Variants in LRBA observed in about 807,000 individuals in gnomAD.
LRBA encodes LPS responsive beige-like anchor protein.
A neutral mutation model predicts 330.0 loss-of-function variants in LRBA; 176 were observed. That is an observed-to-expected ratio of 0.53 (90% CI 0.47 to 0.60). The LOEUF (loss-of-function observed/expected upper bound fraction) is 0.60. Among genes scored for constraint, LRBA ranks in the 20% least tolerant of loss-of-function variants. LRBA has a pLI of 0.00. For synonymous variants in LRBA, 1,230 were observed against 1,193.0 expected (o/e 1.03, Z -0.64); for missense variants, 3,259 against 3,444.8 (o/e 0.95, Z 1.35).
intron 40 of LRBA, among the ~76,000 whole-genome samples, chr4:150,511,117 C>T (rs1204979114): frequency 1.3e-5 from 2 of 152,128 alleles, no homozygotes; most frequent in East Asian, 3.9e-4. Context: ...CTTGGCCTCC[C>T]AAAGTTCTGG....
chr4:150,869,412 G>C (rs1468839223), intron 20 of LRBA, among the ~76,000 whole-genome samples: 1 of 152,146 alleles, frequency 6.6e-6, no homozygotes, highest in East Asian at 1.9e-4. Context: ...AATTAGGCCA[G>C]GCACAGCGGC....
chr4:150,603,557 G>T (rs549910238), intron 37 of LRBA, among the ~76,000 whole-genome samples: 1 of 152,106 alleles, frequency 6.6e-6, no homozygotes, highest in African/African-American at 2.4e-5. Flanking sequence ...TGAGGGAACA[G>T]AACAAAGCTC....
intron 26 of LRBA, among the ~76,000 whole-genome samples, chr4:150,845,331 G>C (rs905358118): frequency 6.6e-6 from 1 of 152,064 alleles, no homozygotes; most frequent in African/African-American, 2.4e-5. Context: ...AAGCTTTATA[G>C]GGTCCAGCAT....
intron 9 of LRBA, among the ~76,000 whole-genome samples, chr4:150,911,262 T>C (rs1410850005): frequency 2.0e-5 from 3 of 152,216 alleles, no homozygotes; most frequent in Non-Finnish European, 4.4e-5. Flanking sequence ...GCTTTGTTCC[T>C]GATTTTAGAG....
At chr4:150,725,951 G>T (rs564127104) in intron 36 of LRBA, among the ~76,000 whole-genome samples, 1 of 152,276 alleles carries the variant, frequency 6.6e-6, no homozygotes, top group East Asian at 1.9e-4. Flanking sequence ...ATAAGATTGT[G>T]TTGGCAAGCC....
rs1230408033 is a variant in LRBA, at chr4:150,828,607, C to T, written c.4744G>A (p.Ala1582Thr). The T allele has an allele frequency of 5.6e-6, 9 of 1,613,202 alleles. No homozygotes were observed. The highest frequency in any genetic ancestry group is 1.7e-5 in the Admixed American group (1 of 59,940). Residue 1582 changes from alanine (A) to threonine (T), a missense_variant, in exon 30 of 57, where the codon GCA (alanine) becomes ACA (threonine). Coordinates refer to ENST00000651943, the MANE Select transcript of LRBA (RefSeq NM_001364905.1). ...NVSLSEITPA[A>T]FSTLTTASVE... ...GATGCCGTAGTTAAAGTGCTGAATG[C>T]TGCTGGTGTGATTTCTATATCATAC... is the stretch of plus-strand genomic sequence containing the variant.
chr4:150,799,108 T>C (rs1465410499), intron 33 of LRBA, among the ~76,000 whole-genome samples: 2 of 152,292 alleles, frequency 1.3e-5, no homozygotes, highest in East Asian at 1.9e-4. Flanking sequence ...AACCTAATGA[T>C]AGCGCATGTT....
In LRBA at chr4:150,597,119, A is replaced by C. The variant is rs775725675; in HGVS notation, c.6046+1888T>G. The C allele has an allele frequency of 5.1e-6, 7 of 1,376,656 alleles. No homozygotes were observed. The African/African-American group carries it at 1.0e-4, about 20-fold the overall frequency. 85.3% of individuals were successfully genotyped at this position (1,376,656 alleles called of 1,614,324 possible). A position where few individuals can be genotyped will look rare whatever the true frequency, so the allele number is the denominator to read the frequency against. On this transcript the variant is annotated intron_variant, in intron 38 of 56. Coordinates refer to ENST00000651943, the MANE Select transcript of LRBA (RefSeq NM_001364905.1). Reference sequence around the variant, plus strand: ...TCTCTCAATTTAAAAATGCACACTAAAACATAGATAATTAACATTGGATTA... The same window carrying C: ...TCTCTCAATTTAAAAATGCACACTACAACATAGATAATTAACATTGGATTA...
At chr4:150,772,339 A>T (rs1578733412) in intron 34 of LRBA, among the ~76,000 whole-genome samples, 2 of 152,262 alleles carry the variant, frequency 1.3e-5, no homozygotes, top group Non-Finnish European at 2.9e-5. Flanking sequence ...GACCATAGGT[A>T]CGGGCTGGCA....
intron 44 of LRBA, among the ~76,000 whole-genome samples, chr4:150,440,191 G>A (rs997378767): frequency 6.6e-5 from 10 of 152,158 alleles, no homozygotes; most frequent in African/African-American, 2.4e-4. Context: ...CAAAATACTG[G>A]CCATTAAAAA....
chr4:150,995,117 G>A lies in LRBA; in HGVS notation c.216+19310C>T, dbSNP rs140511899. On this transcript the variant is annotated intron_variant, in intron 2 of 56. Transcript: ENST00000651943. ...CCAGTCTCGGTGGAAGAGAAAAAACGAAGTCACCCTTCGCTCACTCCAGTT... is the reference window on the plus strand; with the variant it reads ...CCAGTCTCGGTGGAAGAGAAAAAACAAAGTCACCCTTCGCTCACTCCAGTT... Among the ~76,000 whole-genome samples the A allele has an allele frequency of 2.0e-3, 302 of 150,520 alleles. 2 individuals are homozygous for A. The highest frequency in any genetic ancestry group is 7.1e-3 in the African/African-American group (289 of 40,956).
At chr4:150,916,163 A>C (rs1336716736) in intron 7 of LRBA, among the ~76,000 whole-genome samples, 1 of 152,220 alleles carries the variant, frequency 6.6e-6, no homozygotes, top group African/African-American at 2.4e-5. Flanking sequence ...ATACTAAAAT[A>C]AATGCCGTAG....
intron 43 of LRBA, among the ~76,000 whole-genome samples, chr4:150,468,194 G>A (rs371836857): frequency 3.3e-5 from 5 of 152,028 alleles, no homozygotes; most frequent in African/African-American, 1.2e-4. Context: ...TTCAAAACAA[G>A]AATCCTTTCT....
At chr4:150,386,117 G>A (rs1323235291) in intron 47 of LRBA, among the ~76,000 whole-genome samples, 1 of 152,046 alleles carries the variant, frequency 6.6e-6, no homozygotes, top group Non-Finnish European at 1.5e-5. Flanking sequence ...TTGTGGAACA[G>A]AAGCTCTGCT....
At chr4:150,924,926 T>C (rs113261577) in intron 4 of LRBA, among the ~76,000 whole-genome samples, 2 of 152,306 alleles carry the variant, frequency 1.3e-5, no homozygotes, top group African/African-American at 4.8e-5. Context: ...CTCATGCCTG[T>C]AATCCTAGCA....
chr4:150,848,122 C>A, intron 26 of LRBA, among the ~76,000 whole-genome samples: 1 of 152,064 alleles, frequency 6.6e-6, no homozygotes, highest in South Asian at 2.1e-4. Flanking sequence ...TCAAGCGATT[C>A]TGCTGCCTCA....
chr4:150,911,757 G>C (rs1184981092), intron 9 of LRBA, among the ~76,000 whole-genome samples: 1 of 152,128 alleles, frequency 6.6e-6, no homozygotes, highest in Non-Finnish European at 1.5e-5. Context: ...GTAAATTTGA[G>C]GAGAATTGGC....
At chr4:150,283,966 T>G (rs1222456132) in intron 54 of LRBA, among the ~76,000 whole-genome samples, 1 of 152,178 alleles carries the variant, frequency 6.6e-6, no homozygotes, top group African/African-American at 2.4e-5. Context: ...GATAAAGCCA[T>G]GTAACATTTC....
intron 2 of LRBA, among the ~76,000 whole-genome samples, chr4:150,994,453 T>C (rs1473582680): frequency 6.6e-6 from 1 of 152,174 alleles, no homozygotes; most frequent in Non-Finnish European, 1.5e-5. Context: ...ATTAAGCACC[T>C]ACTACATGTT....
Sources: gnomAD v4.1 joint callset for allele counts (sites outside exome capture counted in the v4.1 genomes callset) on GRCh38, gnomAD v4.1.1 for gene constraint, MANE v1.5 for transcripts, NCBI Gene and HGNC (gene_info 2026-07-23, HGNC 2026-07-21) for gene names.